ELN: variants seen among roughly 807,000 people sequenced by gnomAD.
The protein encoded by ELN is tropoelastin.
Under a neutral mutation model 105.8 loss-of-function variants are expected in ELN, and 65 were observed. The ratio of observed to expected loss-of-function variants is 0.61; its 90% CI spans 0.50 to 0.75. ELN has a LOEUF of 0.75. Among genes scored for constraint, ELN ranks in the 30% least tolerant of loss-of-function variants. The probability of loss-of-function intolerance (pLI) is 0.00; values close to 1 mark genes in which losing one functional copy is unlikely to be tolerated. For missense variants in ELN, 882 were observed against 969.4 expected (o/e 0.91, Z 1.20); for synonymous variants, 368 against 389.2 (o/e 0.95, Z 0.64).
chr7:74,045,748 TAAGA>T (rs1252813395), intron 10 of ELN: 6 of 290,088 alleles, frequency 2.1e-5, no homozygotes, highest in African/African-American at 4.5e-5. Flanking sequence ...CCCCGCAAAA[TAAGA>T]AAGAAAGAAA....
chr7:74,057,798 C>G (rs908680763), intron 22 of ELN, 102 bp downstream of exon 22: 106 of 1,363,818 alleles, frequency 7.8e-5, no homozygotes, highest in Non-Finnish European at 1.1e-4. Flanking sequence ...TTCCACCCCA[C>G]TTAAGCTGTC....
chr7:74,043,327 A>G, intron 8 of ELN, 159 bp downstream of exon 8: 1 of 1,138,214 alleles, frequency 8.8e-7, no homozygotes, highest in Non-Finnish European at 1.3e-6. Context: ...TGCGTCTGTG[A>G]AATGGGGAGG....
At chr7:74,043,643 G>A in intron 8 of ELN, 1 of 647,860 alleles carries the variant, frequency 1.5e-6, no homozygotes, top group Non-Finnish European at 2.8e-6. Flanking sequence ...GGCTGGCCCA[G>A]CCATGTAAAC....
chr7:74,064,641 G>A (rs1326071960), intron 29 of ELN, among the ~76,000 whole-genome samples: 5 of 152,024 alleles, frequency 3.3e-5, no homozygotes, highest in Non-Finnish European at 1.5e-5. Flanking sequence ...CAAGAAATGT[G>A]GCAAACGGGA....
At chr7:74,029,736 C>T (rs1229549695) in intron 1 of ELN, among the ~76,000 whole-genome samples, 1 of 152,210 alleles carries the variant, frequency 6.6e-6, no homozygotes, top group African/African-American at 2.4e-5. Context: ...GCCTCCTCCC[C>T]AGGTGTAGCC....
intron 1 of ELN, among the ~76,000 whole-genome samples, chr7:74,034,001 G>A (rs1477610970): frequency 6.6e-6 from 1 of 152,190 alleles, no homozygotes; most frequent in Non-Finnish European, 1.5e-5. Flanking sequence ...CCCAGTGAGA[G>A]CTTCACTGGT....
Position 74,063,364 on chromosome 7 carries a change from A to C in ELN, c.1913A>C (p.Gln638Pro). 1 of 1,546,628 alleles carries C rather than the reference A, an allele frequency of 6.5e-7. No homozygotes were observed. Among genetic ancestry groups the C allele is most frequent in the Non-Finnish European group, 8.7e-7 (1 of 1,147,466 alleles). Residue 638 changes from glutamine (Q) to proline (P), a missense_variant, in exon 28 of 33, where the codon CAG (glutamine) becomes CCG (proline). Coordinates refer to ENST00000252034, the MANE Select transcript of ELN (RefSeq NM_000501.4). This position sits in a 1 kb window ranked among gnomAD's most constrained non-coding sequence, Gnocchi z 4.1. ...AAAKAAAKAA[Q>P]FGLVGAAGLG... ...GCCAAAGCTGCTGCCAAAGCCGCCC[A>C]GTTTGGTGAGCACTGGGTGGAGGTG...
chr7:74,045,823 C>T (rs1004794926), intron 10 of ELN: 9 of 317,838 alleles, frequency 2.8e-5, no homozygotes, highest in Non-Finnish European at 4.8e-5. Flanking sequence ...CCGAGGTGGG[C>T]GGATCACCTG....
chr7:74,067,517 C>T (rs535227423), intron 32 of ELN, among the ~76,000 whole-genome samples: 5 of 151,740 alleles, frequency 3.3e-5, no homozygotes, highest in Admixed American at 2.6e-4. Flanking sequence ...CCGCCCGCCT[C>T]GGCCTCCCAA....
intron 14 of ELN, 100 bp downstream of exon 14, chr7:74,048,301 A>C: frequency 6.4e-7 from 1 of 1,565,642 alleles, no homozygotes; most frequent in Non-Finnish European, 8.8e-7. Context: ...GCAGCAGCCC[A>C]CCCTGCATCC....
chr7:74,048,516 G>GGCAGCA lies in ELN; in HGVS notation c.768_773dup (p.Ala259_Ala260dup), dbSNP rs782185396. 3 of 1,613,998 alleles carry GGCAGCA rather than the reference G, an allele frequency of 1.9e-6. No individual in the cohort carries two copies. The highest frequency in any genetic ancestry group is 8.5e-7 in the Non-Finnish European group (1 of 1,179,928). On this transcript the variant is annotated inframe_insertion, in exon 15 of 33. Coordinates refer to ENST00000252034, the MANE Select transcript of ELN (RefSeq NM_000501.4). ...TCCTTCCCCCAGGGGTTGGCCCCCA[G>GGCAGCA]GCAGCAGCAGCAGCGGCAGCTAAAG... is the stretch of plus-strand genomic sequence containing the variant.
chr7:74,037,758 G>A lies in ELN; in HGVS notation c.196+19G>A. ...AAGCCAGGTAAGACCCAAGGCCTCGGAGCATTGAGAGACAGCGAGGGAGCT... is the reference window on the plus strand; with the variant it reads ...AAGCCAGGTAAGACCCAAGGCCTCGAAGCATTGAGAGACAGCGAGGGAGCT... On this transcript the variant is annotated intron_variant, in intron 4 of 32. Transcript: ENST00000252034. 6.2e-7 allele frequency: 1 copy of A among 1,610,258 alleles called. No individual in the cohort carries two copies. Among genetic ancestry groups the A allele is most frequent in the Admixed American group, 1.7e-5 (1 of 59,420 alleles).
rs782084230 is a variant in ELN, at chr7:74,063,325, C to A, written c.1874C>A (p.Ala625Asp). Residue 625 changes from alanine (A) to aspartate (D), a missense_variant, in exon 28 of 33, where the codon GCC becomes GAC. Transcript: ENST00000252034. The surrounding 1 kb of genome is among the most constrained non-coding windows in gnomAD (Gnocchi z 4.1). ...GTGTTCCCAGGAGCCGGACCCGCCG[C>A]CGCCGCTGCCGCAGCCAAAGCTGCT... ...PGGVVGAGPA[A>D]AAAAAKAAAK... 1 of 1,550,730 alleles carries A rather than the reference C, an allele frequency of 6.4e-7. No individual in the cohort carries two copies. Among genetic ancestry groups the A allele is most frequent in the Admixed American group, 2.0e-5 (1 of 51,028 alleles).
intron 17 of ELN, chr7:74,052,467 C>G (rs1794254587): frequency 4.7e-6 from 1 of 210,698 alleles, no homozygotes; most frequent in Non-Finnish European, 9.6e-6. Context: ...TGCCTGTGGT[C>G]CCAGCCACCT....
Position 74,054,726 on chromosome 7 carries a change from A to C in ELN, c.1107A>C (p.Ser369=). ...TTTTGGTCTCTCCAGGGGTTGTGTC[A>C]CCAGAAGCAGCTGCTAAGGCAGCTG... The part of the protein sequence containing the change: ...IPGAAVPGVV[S]PEAAAKAAAK... Residue 369 remains serine, a synonymous_variant, in exon 19 of 33, where the codon TCA becomes TCC. Transcript: ENST00000252034. The C allele has an allele frequency of 6.2e-7, 1 of 1,614,150 alleles. No individual in the cohort carries two copies. The highest frequency in any genetic ancestry group is 8.5e-7 in the Non-Finnish European group (1 of 1,180,032).
At chr7:74,045,564 C>T (rs1483663854) in intron 10 of ELN, among the ~76,000 whole-genome samples, 1 of 151,656 alleles carries the variant, frequency 6.6e-6, no homozygotes, top group East Asian at 1.9e-4. Context: ...CATAGCAAGA[C>T]CTTATCTCTA....
Position 74,063,067 on chromosome 7 carries a change from C to A in ELN, c.1787-86C>A. On this transcript the variant is annotated intron_variant, in intron 26 of 32. Coordinates refer to ENST00000252034, the MANE Select transcript of ELN (RefSeq NM_000501.4). The surrounding 1 kb of genome is among the most constrained non-coding windows in gnomAD (Gnocchi z 4.1). ...CCTCCACAGTGTCACATGGCCCCTG[C>A]CACCTGTCTGCTTGCCTTGTGTCCC... 6.7e-7 allele frequency: 1 copy of A among 1,501,968 alleles called. No individual in the cohort carries two copies. The highest frequency in any genetic ancestry group is 1.2e-5 in the South Asian group (1 of 81,892). 93.0% of individuals were successfully genotyped at this position (1,501,968 alleles called of 1,614,324 possible).
chr7:74,036,968 G>A (rs145524360), intron 3 of ELN, among the ~76,000 whole-genome samples: 18 of 151,490 alleles, frequency 1.2e-4, no homozygotes, highest in African/African-American at 3.4e-4. Context: ...CTACAGGCGC[G>A]TGCCACCACG....
chr7:74,030,022 A>G (rs55664328), intron 1 of ELN, among the ~76,000 whole-genome samples: 1 of 152,292 alleles, frequency 6.6e-6, no homozygotes, highest in African/African-American at 2.4e-5. Context: ...CCTAGGCAGA[A>G]TCAGCTCTCT....
Sources: allele counts gnomAD v4.1 joint callset (sites outside exome capture counted in the v4.1 genomes callset), GRCh38; gene constraint gnomAD v4.1.1; non-coding constraint Gnocchi (gnomAD v3.1); transcripts MANE v1.5; gene names NCBI Gene and HGNC (gene_info 2026-07-23, HGNC 2026-07-21).